PNPLA7: variants seen among roughly 807,000 people sequenced by gnomAD.
PNPLA7 encodes patatin-like phospholipase domain-containing protein 7.
Under a neutral mutation model 161.7 loss-of-function variants are expected in PNPLA7, and 153 were observed. That is an observed-to-expected ratio of 0.95 (90% CI 0.83 to 1.08). PNPLA7 has a LOEUF of 1.08. PNPLA7 is among the 50% of genes least tolerant of loss of function. The pLI, the probability that PNPLA7 is intolerant of heterozygous loss-of-function variation, is 0.00. For synonymous variants in PNPLA7, 809 were observed against 782.1 expected (o/e 1.03, Z -0.57); for missense variants, 1,739 against 1,856.6 (o/e 0.94, Z 1.16).
intron 26 of PNPLA7, among the ~76,000 whole-genome samples, chr9:137,466,217 TCC>T (rs1357782105): frequency 6.6e-6 from 1 of 152,176 alleles, no homozygotes; most frequent in Non-Finnish European, 1.5e-5. Flanking sequence ...CCATGGAGGC[TCC>T]ATGCCTCTTA....
intron 28 of PNPLA7, 67 bp downstream of exon 28, chr9:137,464,059 C>T: frequency 6.5e-7 from 1 of 1,541,782 alleles, no homozygotes; most frequent in Non-Finnish European, 8.9e-7. Context: ...ACCCCTGGGG[C>T]TGCTGAGCTC....
chr9:137,549,676 T>A (rs1475938988), intron 1 of PNPLA7, among the ~76,000 whole-genome samples: 3 of 151,520 alleles, frequency 2.0e-5, no homozygotes, highest in Non-Finnish European at 4.4e-5. Context: ...TAGTCCCAGC[T>A]ACCCGGGAGG....
At chr9:137,496,123 G>C (rs1393301387) in intron 18 of PNPLA7, among the ~76,000 whole-genome samples, 1 of 147,906 alleles carries the variant, frequency 6.8e-6, no homozygotes, top group Non-Finnish European at 1.5e-5. Flanking sequence ...TTTTTCAGAC[G>C]GAGTTTAGTT....
intron 8 of PNPLA7, among the ~76,000 whole-genome samples, chr9:137,528,395 C>T (rs1835406584): frequency 6.6e-6 from 1 of 152,142 alleles, no homozygotes; most frequent in Admixed American, 6.5e-5. Flanking sequence ...TGCCATGGCA[C>T]AGTCGTGGCT....
At chr9:137,485,558 C>T (rs113484112) in intron 20 of PNPLA7, among the ~76,000 whole-genome samples, 4,339 of 152,360 alleles carry the variant, frequency 0.028, 185 homozygotes, top group African/African-American at 0.098. Flanking sequence ...CGTCGCAGGG[C>T]TTTCCACCAC....
rs1836617864 is a variant in PNPLA7, at chr9:137,547,730, G to A, written c.31-71C>T. 1 of 1,422,920 alleles carries A rather than the reference G, an allele frequency of 7.0e-7. No individual in the cohort carries two copies. The highest frequency in any genetic ancestry group is 9.9e-7 in the Non-Finnish European group (1 of 1,007,686). The allele number at this position is 1,422,920 out of a possible 1,614,324, so 88.1% of individuals were successfully genotyped here. A position where few individuals can be genotyped will look rare whatever the true frequency, so the allele number is the denominator to read the frequency against. ...AGCCCGAACTTGTTCAGAGCAGCAG[G>A]AGGAGAGCTGGGAGTTAGGGGAGAA... On this transcript the variant is annotated intron_variant, in intron 1 of 34. Coordinates refer to ENST00000406427, the MANE Select transcript of PNPLA7 (RefSeq NM_001098537.3). This position sits in a 1 kb window ranked among gnomAD's most constrained non-coding sequence, Gnocchi z 4.6.
chr9:137,530,923 G>A (rs1257312927), intron 8 of PNPLA7, among the ~76,000 whole-genome samples: 1 of 152,044 alleles, frequency 6.6e-6, no homozygotes, highest in Non-Finnish European at 1.5e-5. Flanking sequence ...CCTGGTGCTG[G>A]GCTCCAAAGC....
intron 11 of PNPLA7, among the ~76,000 whole-genome samples, chr9:137,518,124 C>G: frequency 8.8e-6 from 1 of 114,182 alleles, no homozygotes; most frequent in Non-Finnish European, 1.8e-5. Context: ...CTCACTCACT[C>G]ACTCCACTCT....
chr9:137,549,592 C>G (rs1836738539), intron 1 of PNPLA7, among the ~76,000 whole-genome samples: 1 of 132,004 alleles, frequency 7.6e-6, no homozygotes, highest in African/African-American at 3.0e-5. Context: ...AAAAAAAGTT[C>G]AAGACCAGCC....
At position 137,462,676 on chromosome 9, in the gene PNPLA7, G is replaced by C. The variant is rs774886835; in HGVS notation, c.3492+9C>G. ...CAGGGACAGCCCAGCCTGCCCGGTA[G>C]CACCCCACCTTGACTTTCGTGGCCA... On this transcript the variant is annotated intron_variant, in intron 30 of 34. Coordinates refer to ENST00000406427, the MANE Select transcript of PNPLA7 (RefSeq NM_001098537.3). 9 of 1,613,204 alleles carry C rather than the reference G, an allele frequency of 5.6e-6. No individual in the cohort carries two copies. Among genetic ancestry groups the C allele is most frequent in the Admixed American group, 5.0e-5 (3 of 59,970 alleles).
At chr9:137,503,317 G>A (rs1833603130) in intron 14 of PNPLA7, among the ~76,000 whole-genome samples, 1 of 152,024 alleles carries the variant, frequency 6.6e-6, no homozygotes, top group Non-Finnish European at 1.5e-5. Context: ...GGAAGTGGAG[G>A]TTGCAGTGAA....
intron 11 of PNPLA7, among the ~76,000 whole-genome samples, chr9:137,515,792 C>T (rs1449810261): frequency 8.6e-6 from 1 of 116,272 alleles, no homozygotes; most frequent in Non-Finnish European, 1.8e-5. Flanking sequence ...ACCCCATCCC[C>T]CTTCCCCCAA....
intron 17 of PNPLA7, 82 bp downstream of exon 17, chr9:137,498,032 A>G (rs1173823350): frequency 6.5e-7 from 1 of 1,550,008 alleles, no homozygotes; most frequent in Non-Finnish European, 8.8e-7. Context: ...TGTGGTTTCC[A>G]CGGTAACCGT....
chr9:137,478,910 G>GT lies in PNPLA7; in HGVS notation c.2763+145dup, dbSNP rs1832068961. On this transcript the variant is annotated intron_variant, in intron 24 of 34. Transcript: ENST00000406427. ...GCCCAAAGGGCAAGATGAAGGAGAC[G>GT]TGAGGCAGGGTCACGTTCACAAGCA... 3 of 1,145,920 alleles carry GT rather than the reference G, an allele frequency of 2.6e-6. No individual in the cohort carries two copies. In the African/African-American group the frequency reaches 4.8e-5, roughly 18 times the overall value. The allele number at this position is 1,145,920 out of a possible 1,614,324, so 71.0% of individuals were successfully genotyped here. A position where few individuals can be genotyped will look rare whatever the true frequency, so the allele number is the denominator to read the frequency against.
chr9:137,498,387 G>A (rs976478613), intron 16 of PNPLA7, 142 bp from the exon 17 acceptor site: 1 of 1,269,492 alleles, frequency 7.9e-7, no homozygotes, highest in African/African-American at 1.5e-5. Flanking sequence ...GGCTGGGACG[G>A]GGCACGCACC....
chr9:137,522,339 G>C (rs1022816431), intron 9 of PNPLA7, among the ~76,000 whole-genome samples: 3 of 151,456 alleles, frequency 2.0e-5, no homozygotes, highest in Admixed American at 1.3e-4. Context: ...CTCCCACAGT[G>C]CTGGGGTTAC....
Position 137,500,749 on chromosome 9 carries a change from T to C in PNPLA7, c.1699A>G (p.Thr567Ala), listed in dbSNP as rs1021715945. 7 of 1,612,114 alleles carry C rather than the reference T, an allele frequency of 4.3e-6. No homozygotes were observed. The highest frequency in any genetic ancestry group is 5.9e-6 in the Non-Finnish European group (7 of 1,179,802). The change falls in exon 16 of 35, where the codon ACC becomes GCC. Residue 567 changes from threonine to alanine, a missense_variant. Around this residue, in one of 6 missense-constraint regions of PNPLA7, gnomAD observed 481 missense variants for 450.0 expected, o/e 1.07. Coordinates refer to ENST00000406427, the MANE Select transcript of PNPLA7 (RefSeq NM_001098537.3). This position sits in a 1 kb window ranked among gnomAD's most constrained non-coding sequence, Gnocchi z 5.5. ...AVLTGEPLIF[T>A]VKANRDCSFL... ...CTGCAGTCCCTGTTGGCCTTGACGG[T>C]GAAGATGAGAGGCTCCCCGGTGAGC...
intron 33 of PNPLA7, 76 bp from the exon 34 acceptor site, chr9:137,460,813 A>C (rs1361602379): frequency 7.2e-7 from 1 of 1,383,188 alleles, no homozygotes; most frequent in Non-Finnish European, 1.0e-6. Context: ...ACTCAGAGGC[A>C]GAACCGGCCA....
rs202079277 is a variant in PNPLA7 at position 137,522,651 on chromosome 9, T to C, written c.876+78A>G. On this transcript the variant is annotated intron_variant, in intron 9 of 34. Coordinates refer to ENST00000406427, the MANE Select transcript of PNPLA7 (RefSeq NM_001098537.3). ...GAAAGTAAGTGGGCAATAAACCCAC[T>C]CAAATCCCAAACCAGTGCCCAGGCC... The C allele has an allele frequency of 3.8e-3, 5,902 of 1,535,486 alleles. 19 individuals carry two copies. Among genetic ancestry groups the C allele is most frequent in the Middle Eastern group, 6.2e-3 (34 of 5,466 alleles).
Sources: gnomAD v4.1 joint callset for allele counts (sites outside exome capture counted in the v4.1 genomes callset) on GRCh38, gnomAD v4.1.1 for gene constraint, gnomAD v4.1.1 regional missense constraint, Gnocchi (gnomAD v3.1) non-coding constraint, MANE v1.5 for transcripts, NCBI Gene and HGNC (gene_info 2026-07-23, HGNC 2026-07-21) for gene names.